Variants in GRM5 observed in about 807,000 individuals in gnomAD.
GRM5 encodes metabotropic glutamate receptor 5.
In GRM5, 19 loss-of-function variants were observed where a neutral mutation model predicts 83.1. The ratio of observed to expected loss-of-function variants is 0.23; its 90% CI spans 0.16 to 0.34. The LOEUF (loss-of-function observed/expected upper bound fraction) is 0.34, where lower values mean the gene tolerates loss of function less well. Ranked by LOEUF, GRM5 falls within the 10% of genes least tolerant of loss-of-function variation. The probability of loss-of-function intolerance (pLI) is 1.00; values close to 1 mark genes in which losing one functional copy is unlikely to be tolerated. For synonymous variants in GRM5, 675 were observed against 633.6 expected (o/e 1.07, Z -0.98); for missense variants, 1,160 against 1,588.3 (o/e 0.73, Z 4.58).
chr11:88,765,544 C>T (rs191852602), intron 3 of GRM5, among the ~76,000 whole-genome samples: 2 of 151,614 alleles, frequency 1.3e-5, no homozygotes, highest in Admixed American at 1.3e-4. Context: ...TTCACATATA[C>T]AGTCAAATGG....
At chr11:89,017,951 C>T (rs1302490704) in intron 2 of GRM5, among the ~76,000 whole-genome samples, 4 of 152,076 alleles carry the variant, frequency 2.6e-5, no homozygotes, top group Non-Finnish European at 4.4e-5. Flanking sequence ...CAGTACCTCC[C>T]TCCTACTCTT....
intron 2 of GRM5, among the ~76,000 whole-genome samples, chr11:88,864,877 G>C (rs1033920495): frequency 9.2e-5 from 14 of 152,056 alleles, no homozygotes; most frequent in South Asian, 6.2e-4. Context: ...TAGCGTAAAG[G>C]GGTGTTGAAT....
At chr11:88,792,914 A>G (rs889974912) in intron 3 of GRM5, among the ~76,000 whole-genome samples, 2 of 152,164 alleles carry the variant, frequency 1.3e-5, no homozygotes, top group African/African-American at 4.8e-5. Context: ...CTTGTGGCCC[A>G]TGTAAGATGG....
chr11:88,570,482 A>G (rs1192818301), intron 7 of GRM5, among the ~76,000 whole-genome samples: 1 of 147,790 alleles, frequency 6.8e-6, no homozygotes, highest in Non-Finnish European at 1.5e-5. Flanking sequence ...TTAGTATGCC[A>G]TAGAGTTTAG....
At chr11:88,627,824 C>G (rs948131627) in intron 4 of GRM5, among the ~76,000 whole-genome samples, 1 of 152,124 alleles carries the variant, frequency 6.6e-6, no homozygotes, top group African/African-American at 2.4e-5. Context: ...CCTCACCCAA[C>G]AAATTCTGAA....
At chr11:88,559,995 A>G (rs889530467) in intron 8 of GRM5, among the ~76,000 whole-genome samples, 1 of 152,014 alleles carries the variant, frequency 6.6e-6, no homozygotes, top group African/African-American at 2.4e-5. Flanking sequence ...TGGCCAAGTG[A>G]GAGTTGAGGG....
At chr11:88,891,110 G>T (rs1945137131) in intron 2 of GRM5, among the ~76,000 whole-genome samples, 2 of 151,984 alleles carry the variant, frequency 1.3e-5, no homozygotes, top group Non-Finnish European at 1.5e-5. Flanking sequence ...AGCAAAATGG[G>T]TTATAAAAAA....
At chr11:88,697,756 G>A (rs904462) in intron 3 of GRM5, among the ~76,000 whole-genome samples, 112,070 of 152,154 alleles carry the variant, frequency 0.74, 46,657 homozygotes, top group Non-Finnish European at 0.94. Context: ...AGGGATCATA[G>A]CACTGACAAA....
intron 3 of GRM5, among the ~76,000 whole-genome samples, chr11:88,748,923 A>G (rs1055929875): frequency 2.6e-5 from 4 of 152,104 alleles, no homozygotes; most frequent in Admixed American, 2.6e-4. Context: ...GAGAAACCCC[A>G]CAGAAACCCC....
chr11:89,031,072 C>A (rs1409821186), intron 2 of GRM5, among the ~76,000 whole-genome samples: 1 of 151,968 alleles, frequency 6.6e-6, no homozygotes, highest in Non-Finnish European at 1.5e-5. Flanking sequence ...AAATCTTACT[C>A]TGGATATATG....
At chr11:88,705,712 G>A (rs1941139894) in intron 3 of GRM5, among the ~76,000 whole-genome samples, 1 of 150,734 alleles carries the variant, frequency 6.6e-6, no homozygotes, top group African/African-American at 2.4e-5. Flanking sequence ...CCACACACTT[G>A]CCAAGAATGA....
intron 9 of GRM5, among the ~76,000 whole-genome samples, chr11:88,516,030 T>C (rs961799080): frequency 6.7e-6 from 1 of 149,826 alleles, no homozygotes; most frequent in Non-Finnish European, 1.5e-5. Flanking sequence ...ATTTATCAGA[T>C]AGTTTTTTAA....
In GRM5 at chr11:88,690,609, G is replaced by C. The variant is rs528886865; in HGVS notation, c.912-37206C>G. 2.0e-4 allele frequency among the ~76,000 whole-genome samples: 31 copies of C among 152,250 alleles called. 1 individual carries two copies. In the South Asian group the frequency reaches 6.2e-3, roughly 31 times the overall value. ...AACTAAATTCTGAAAACTGCTGAGA[G>C]TGCCTATTTTGGATTTGATGTCACA... is the stretch of plus-strand genomic sequence containing the variant. On this transcript the variant is annotated intron_variant, in intron 3 of 9. Coordinates refer to ENST00000305447, the MANE Select transcript of GRM5 (RefSeq NM_001143831.3).
chr11:88,748,418 C>G (rs914772753), intron 3 of GRM5, among the ~76,000 whole-genome samples: 1 of 152,152 alleles, frequency 6.6e-6, no homozygotes, highest in African/African-American at 2.4e-5. Flanking sequence ...AGGCAGCCAA[C>G]AGCAGTGGGT....
intron 2 of GRM5, among the ~76,000 whole-genome samples, chr11:88,922,254 A>G (rs1945706158): frequency 6.6e-6 from 1 of 152,182 alleles, no homozygotes; most frequent in South Asian, 2.1e-4. Context: ...ATGTGGAACC[A>G]CAAAAGACTC....
chr11:88,611,554 T>C (rs931459079), intron 4 of GRM5, among the ~76,000 whole-genome samples: 2 of 152,222 alleles, frequency 1.3e-5, no homozygotes, highest in African/African-American at 4.8e-5. Flanking sequence ...GTGGGGTCAG[T>C]TGTAATGTCC....
At chr11:89,031,348 TG>T (rs774310760) in intron 2 of GRM5, among the ~76,000 whole-genome samples, 5 of 151,962 alleles carry the variant, frequency 3.3e-5, no homozygotes, top group Admixed American at 6.6e-5. Flanking sequence ...TTAATCTTTT[TG>T]ATTATTTTTG....
At chr11:88,558,798 T>C (rs1299646785) in intron 8 of GRM5, among the ~76,000 whole-genome samples, 2 of 34,894 alleles carry the variant, frequency 5.7e-5, no homozygotes, top group East Asian at 6.9e-4. Context: ...AGACTCCATC[T>C]CAAAAAAAAA....
chr11:88,767,813 A>C (rs1185410977), intron 3 of GRM5, among the ~76,000 whole-genome samples: 2 of 151,882 alleles, frequency 1.3e-5, no homozygotes, highest in African/African-American at 4.8e-5. Flanking sequence ...CTGCACATGT[A>C]CCCCAGAACC....
Sources: gnomAD v4.1 joint callset for allele counts (sites outside exome capture counted in the v4.1 genomes callset) on GRCh38, gnomAD v4.1.1 for gene constraint, MANE v1.5 for transcripts, NCBI Gene and HGNC (gene_info 2026-07-23, HGNC 2026-07-21) for gene names.